STN1: variants seen among roughly 807,000 people sequenced by gnomAD.
STN1 encodes CST complex subunit STN1.
In STN1, 29 loss-of-function variants were observed where a neutral mutation model predicts 45.5. That is an observed-to-expected ratio of 0.64 (90% confidence interval 0.47 to 0.87). The LOEUF is 0.87. Among genes scored for constraint, STN1 ranks in the 40% least tolerant of loss-of-function variants. The pLI is 0.00. For missense variants in STN1, 376 were observed against 441.4 expected (o/e 0.85, Z 1.33); for synonymous variants, 148 against 159.0 (o/e 0.93, Z 0.52).
chr10:103,913,295 G>C (rs1210757531), intron 2 of STN1, among the ~76,000 whole-genome samples: 2 of 152,268 alleles, frequency 1.3e-5, no homozygotes, highest in East Asian at 3.9e-4. Flanking sequence ...AATCTGAACA[G>C]GTCTTCACTT....
intron 3 of STN1, among the ~76,000 whole-genome samples, chr10:103,906,884 A>G (rs1843244902): frequency 6.6e-6 from 1 of 152,238 alleles, no homozygotes; most frequent in African/African-American, 2.4e-5. Flanking sequence ...ATACCCTCAT[A>G]TGTCGATAGT....
chr10:103,900,241 C>A lies in STN1; in HGVS notation c.296-18G>T, dbSNP rs1172562122. The A allele has an allele frequency of 6.2e-7, 1 of 1,611,466 alleles. No individual in the cohort carries two copies. ...TGGAGCAGCTGTAGTTGTTTAGAGC[C>A]AGAGGGAAAGAGAAAAAGTTATAAC... On this transcript the variant is annotated intron_variant, in intron 4 of 9. Transcript: ENST00000224950.
At chr10:103,883,004 A>C (rs1007559185) in intron 9 of STN1, among the ~76,000 whole-genome samples, 163 bp from the exon 10 acceptor site, 2 of 152,226 alleles carry the variant, frequency 1.3e-5, no homozygotes, top group African/African-American at 4.8e-5. Context: ...AAAACAAAAC[A>C]GAAACACCTG....
chr10:103,913,876 C>T (rs1843307177), intron 2 of STN1, among the ~76,000 whole-genome samples: 1 of 152,058 alleles, frequency 6.6e-6, no homozygotes, highest in African/African-American at 2.4e-5. Context: ...GGCCTAAAAG[C>T]ATCAGAGGAC....
In STN1 at chr10:103,914,374, A is replaced by ATTT. The variant is rs1264013304; in HGVS notation, c.133+3085_133+3087dup. 2.6e-4 allele frequency among the ~76,000 whole-genome samples: 25 copies of ATTT among 97,352 alleles called. 1 individual carries two copies. Among genetic ancestry groups the ATTT allele is most frequent in the African/African-American group, 9.8e-4 (20 of 20,420 alleles). 63.9% of individuals were successfully genotyped at this position (97,352 alleles called of 152,430 possible). A position where few individuals can be genotyped will look rare whatever the true frequency, so the allele number is the denominator to read the frequency against. ...TATATATATATATATATATATATATATTTTTTTTTTTTTTTTTTGAGACAG... is the reference window on the plus strand; with the variant it reads ...TATATATATATATATATATATATATATTTTTTTTTTTTTTTTTTTTTGAGACAG... On this transcript the variant is annotated intron_variant, in intron 2 of 9. Transcript: ENST00000224950.
At chr10:103,893,751 C>G (rs575673077) in intron 7 of STN1, among the ~76,000 whole-genome samples, 23 of 152,290 alleles carry the variant, frequency 1.5e-4, no homozygotes, top group African/African-American at 5.5e-4. Flanking sequence ...AAGAGACCTC[C>G]CAAACAGGCT....
Position 103,909,414 on chromosome 10 carries a change from ATG to A in STN1, c.229+1111_229+1112del, listed in dbSNP as rs1404407356. 5.3e-3 allele frequency among the ~76,000 whole-genome samples: 320 copies of A among 59,976 alleles called. 3 individuals are homozygous for A. Among genetic ancestry groups the A allele is most frequent in the Non-Finnish European group, 6.7e-3 (187 of 27,740 alleles). 39.3% of individuals were successfully genotyped at this position (59,976 alleles called of 152,430 possible). A position where few individuals can be genotyped will look rare whatever the true frequency, so the allele number is the denominator to read the frequency against. On this transcript the variant is annotated intron_variant, in intron 3 of 9. Coordinates refer to ENST00000224950, the MANE Select transcript of STN1 (RefSeq NM_024928.5). Reference sequence around the variant, plus strand: ...TGTATATATGTATATATATGTATATATGTATATATGTATATATATGTATATAT... The same window carrying A: ...TGTATATATGTATATATATGTATATATATATATGTATATATATGTATATAT...
intron 6 of STN1, 74 bp from the exon 7 acceptor site, chr10:103,897,793 A>T: frequency 2.0e-6 from 3 of 1,476,208 alleles, no homozygotes; most frequent in Non-Finnish European, 2.8e-6. Flanking sequence ...TAAAAACCAG[A>T]AAATTAGCTA....
At chr10:103,909,372 A>ATATATATG (rs71019702) in intron 3 of STN1, among the ~76,000 whole-genome samples, 2 of 89,154 alleles carry the variant, frequency 2.2e-5, no homozygotes, top group Non-Finnish European at 4.6e-5. Flanking sequence ...AAAAATATAT[A>ATATATATG]TATATATGTA....
At chr10:103,895,776 T>TAG (rs1843167146) in intron 7 of STN1, among the ~76,000 whole-genome samples, 1 of 152,182 alleles carries the variant, frequency 6.6e-6, no homozygotes, top group Non-Finnish European at 1.5e-5. Flanking sequence ...TTATGTTACC[T>TAG]AGCAAGGGTG....
intron 3 of STN1, 150 bp downstream of exon 3, chr10:103,910,376 TG>T (rs200538919): frequency 0.067 from 32,812 of 490,634 alleles, 1,527 homozygotes; most frequent in Non-Finnish European, 0.084. Flanking sequence ...AGCCCGTGTC[TG>T]GGGCTATAAG....
intron 4 of STN1, among the ~76,000 whole-genome samples, chr10:103,902,184 G>A (rs1219676583): frequency 6.6e-6 from 1 of 152,166 alleles, no homozygotes; most frequent in African/African-American, 2.4e-5. Flanking sequence ...TGTGCATTCA[G>A]TGAGTCCAGG....
intron 4 of STN1, 42 bp downstream of exon 4, chr10:103,905,049 T>G: frequency 1.3e-6 from 2 of 1,541,574 alleles, no homozygotes; most frequent in African/African-American, 1.4e-5. Flanking sequence ...GTAAAATCCA[T>G]TAGTTAGGTG....
chr10:103,914,342 A>T (rs1843310448), intron 2 of STN1, among the ~76,000 whole-genome samples: 1 of 10,912 alleles, frequency 9.2e-5, no homozygotes, highest in Non-Finnish European at 2.7e-4. Flanking sequence ...ATACATATAT[A>T]TATATATATA....
chr10:103,891,387 A>G (rs1843138519), intron 8 of STN1, among the ~76,000 whole-genome samples: 3 of 152,214 alleles, frequency 2.0e-5, no homozygotes, highest in Non-Finnish European at 4.4e-5. Flanking sequence ...GGTACAGAGC[A>G]TTATTTAGAG....
At chr10:103,900,491 C>G (rs955944872) in intron 4 of STN1, among the ~76,000 whole-genome samples, 9 of 152,214 alleles carry the variant, frequency 5.9e-5, no homozygotes, top group Admixed American at 6.5e-5. Flanking sequence ...CCAGGGCCTT[C>G]TTTCCTGCCC....
At chr10:103,899,967 G>T in intron 5 of STN1, 95 bp downstream of exon 5, 2 of 1,147,564 alleles carry the variant, frequency 1.7e-6, no homozygotes, top group African/African-American at 1.5e-5. Flanking sequence ...TACCTTAACT[G>T]AACTTTTTGA....
In STN1 at chr10:103,882,517, C is replaced by T; in HGVS notation, c.*167G>A. ...CAAGGACATAGTGGACAGAAGGGAG[C>T]CAACAACATTTATGCCAAATCCCAT... On this transcript the variant is annotated 3_prime_UTR_variant, in exon 10 of 10. Transcript: ENST00000224950. 1.5e-6 allele frequency: 1 copy of T among 648,944 alleles called. No homozygotes were observed. The highest frequency in any genetic ancestry group is 2.5e-6 in the Non-Finnish European group (1 of 398,096). 40.2% of individuals were successfully genotyped at this position (648,944 alleles called of 1,614,324 possible).
In STN1 at chr10:103,917,608, T is replaced by C. The variant is rs755164572; in HGVS notation, c.-14A>G. ...TCCAGGCTGCATCAAGAGGCAGGGC[T>C]GTGGCTTCCAGCTAACTCTGAAAGG... On this transcript the variant is annotated 5_prime_UTR_variant, in exon 2 of 10. Transcript: ENST00000224950. The C allele has an allele frequency of 9.3e-6, 15 of 1,611,598 alleles. No individual in the cohort carries two copies. Among genetic ancestry groups the C allele is most frequent in the Admixed American group, 5.1e-5 (3 of 59,394 alleles).
Sources: allele counts gnomAD v4.1 joint callset (sites outside exome capture counted in the v4.1 genomes callset), GRCh38; gene constraint gnomAD v4.1.1; transcripts MANE v1.5; gene names NCBI Gene and HGNC (gene_info 2026-07-23, HGNC 2026-07-21).